MED13: variants seen among roughly 807,000 people sequenced by gnomAD.
MED13 encodes mediator of RNA polymerase II transcription subunit 13.
MED13 carries 23 observed loss-of-function variants against 225.2 expected under a neutral mutation model. That is an observed-to-expected ratio of 0.10 (90% confidence interval 0.07 to 0.14). MED13 has a LOEUF of 0.14. MED13 is among the 10% of genes least tolerant of loss of function. MED13 has a pLI of 1.00. For synonymous variants in MED13, 942 were observed against 889.2 expected (o/e 1.06, Z -1.06); for missense variants, 2,197 against 2,594.5 (o/e 0.85, Z 3.33).
In MED13 at chr17:61,972,864, T is replaced by C; in HGVS notation, c.3830A>G (p.Asp1277Gly). ...AAGAGAGAGGAGCATTCGAAGTATA[T>C]CCTGTGAGCACTGCATACTCACATC... ...RNDVSMQCSQDILRMLLSLQP... is the reference protein window; with the variant it reads ...RNDVSMQCSQGILRMLLSLQP... The change falls in exon 17 of 30, where the codon GAT becomes GGT. Residue 1277 changes from aspartate (D) to glycine (G), a missense_variant. Physicochemically the swap from Asp to Gly is moderately conservative, Grantham distance 94 (BLOSUM62 -1). Coordinates refer to ENST00000397786, the MANE Select transcript of MED13 (RefSeq NM_005121.3). The C allele has an allele frequency of 6.2e-7, 1 of 1,611,330 alleles. No homozygotes were observed. The highest frequency in any genetic ancestry group is 8.5e-7 in the Non-Finnish European group (1 of 1,179,322).
chr17:61,995,937 G>C (rs1385809707), intron 9 of MED13, among the ~76,000 whole-genome samples: 1 of 152,108 alleles, frequency 6.6e-6, no homozygotes, highest in Admixed American at 6.6e-5. Context: ...AAGTTTCAGT[G>C]CAAGTATCTG....
chr17:61,952,835 C>G, intron 27 of MED13, 130 bp downstream of exon 27: 1 of 1,021,756 alleles, frequency 9.8e-7, no homozygotes, highest in Non-Finnish European at 1.4e-6. Context: ...TGGGGTTTCA[C>G]CATATTGGCC....
chr17:61,964,337 C>G (rs1458172203), intron 20 of MED13, among the ~76,000 whole-genome samples: 1 of 152,182 alleles, frequency 6.6e-6, no homozygotes, highest in Non-Finnish European at 1.5e-5. Flanking sequence ...CTTTGGGAGG[C>G]TGAGGCAGGC....
At chr17:62,047,278 G>A (rs1335245787) in intron 3 of MED13, among the ~76,000 whole-genome samples, 1 of 152,110 alleles carries the variant, frequency 6.6e-6, no homozygotes, top group Non-Finnish European at 1.5e-5. Flanking sequence ...GGCTAAGGCA[G>A]GAGAATTGCT....
In MED13 at chr17:61,972,804, C is replaced by T; in HGVS notation, c.3890G>A (p.Arg1297Lys). 6.2e-7 allele frequency: 1 copy of T among 1,613,746 alleles called. No homozygotes were observed. The highest frequency in any genetic ancestry group is 8.5e-7 in the Non-Finnish European group (1 of 1,179,894). Residue 1297 changes from arginine to lysine, a missense_variant, in exon 17 of 30, where the codon AGA (arginine) becomes AAA (lysine). Physicochemically the swap from Arg to Lys is conservative, Grantham distance 26. This residue lies in a region of MED13 where 203 missense variants were observed against 209.7 expected (regional missense o/e 0.97). Transcript: ENST00000397786. ...CTGAACACCCCAAGGTCTTACTGTT[C>T]TTTTTTTCTGAATGGCATCCTGAAG... ...PVLQDAIQKK[R>K]TVRPWGVQGP...
At chr17:62,055,822 A>T (rs955180422) in intron 2 of MED13, among the ~76,000 whole-genome samples, 3 of 150,498 alleles carry the variant, frequency 2.0e-5, no homozygotes, top group African/African-American at 7.3e-5. Flanking sequence ...CTCCATCTCA[A>T]AAAAAAAAAG....
intron 3 of MED13, among the ~76,000 whole-genome samples, chr17:62,044,575 G>A (rs756727123): frequency 4.6e-5 from 7 of 152,238 alleles, no homozygotes; most frequent in Admixed American, 6.5e-5. Flanking sequence ...TATCCAGCAA[G>A]GATTTATTAT....
intron 3 of MED13, among the ~76,000 whole-genome samples, chr17:62,042,847 G>A (rs2080865160): frequency 6.6e-6 from 1 of 151,312 alleles, no homozygotes; most frequent in African/African-American, 2.4e-5. Context: ...AAGAATTATA[G>A]AAAGAAATTA....
intron 19 of MED13, among the ~76,000 whole-genome samples, 195 bp downstream of exon 19, chr17:61,966,267 A>G (rs2080057066): frequency 6.6e-6 from 1 of 152,220 alleles, no homozygotes; most frequent in Admixed American, 6.5e-5. Flanking sequence ...GTCAGATAAT[A>G]AATATTTTTG....
intron 16 of MED13, among the ~76,000 whole-genome samples, chr17:61,974,718 G>C (rs2080138817): frequency 6.6e-6 from 1 of 152,054 alleles, no homozygotes; most frequent in Admixed American, 6.6e-5. Flanking sequence ...GGGACAACTA[G>C]ATATCCACAT....
chr17:61,977,512 C>T (rs78335744), intron 16 of MED13, among the ~76,000 whole-genome samples: 2 of 152,202 alleles, frequency 1.3e-5, no homozygotes, highest in East Asian at 3.8e-4. Context: ...AGTGCGGTGG[C>T]ACCATCTCTG....
At chr17:62,048,019 TATATACATATAC>T (rs983326428) in intron 3 of MED13, among the ~76,000 whole-genome samples, 9 of 135,254 alleles carry the variant, frequency 6.7e-5, no homozygotes, top group East Asian at 2.5e-4. Context: ...TATATATACA[TATATACATATAC>T]ATATACATAT....
intron 11 of MED13, among the ~76,000 whole-genome samples, chr17:61,992,238 T>G (rs964544583): frequency 2.0e-5 from 3 of 152,208 alleles, no homozygotes; most frequent in Admixed American, 6.5e-5. Flanking sequence ...TTACTTCCTT[T>G]CACGTAATTC....
At chr17:61,979,256 A>T (rs898520202) in intron 16 of MED13, among the ~76,000 whole-genome samples, 2 of 152,208 alleles carry the variant, frequency 1.3e-5, no homozygotes, top group Non-Finnish European at 2.9e-5. Context: ...ATTCATTTTC[A>T]GAAGCCATAT....
intron 4 of MED13, 138 bp downstream of exon 4, chr17:62,035,325 G>T: frequency 1.2e-6 from 1 of 813,836 alleles, no homozygotes; most frequent in Non-Finnish European, 1.8e-6. Flanking sequence ...AATGGGGAAG[G>T]AAAAAGTAAA....
chr17:61,972,552 T>C (rs908658052), intron 17 of MED13, among the ~76,000 whole-genome samples, 175 bp downstream of exon 17: 1 of 151,622 alleles, frequency 6.6e-6, no homozygotes, highest in Non-Finnish European at 1.5e-5. Flanking sequence ...AGTTGGAGAG[T>C]TGAGTAAGCT....
intron 3 of MED13, among the ~76,000 whole-genome samples, chr17:62,042,535 C>CTGGTG (rs2080861427): frequency 7.7e-6 from 1 of 129,436 alleles, no homozygotes; most frequent in East Asian, 2.5e-4. Flanking sequence ...GCACTCCAGC[C>CTGGTG]TGGTGACAGA....
In MED13 at chr17:62,031,201, A is replaced by G; in HGVS notation, c.1009+243T>C. The stretch of plus-strand genomic sequence containing the variant: ...ACTGAGTACACAGGAGTGATGGGAC[A>G]TCATGTCTGTAGGTTGTTCTCAAAT... On this transcript the variant is annotated intron_variant, in intron 6 of 29. Coordinates refer to ENST00000397786, the MANE Select transcript of MED13 (RefSeq NM_005121.3). The G allele has an allele frequency of 8.6e-6, 3 of 348,724 alleles. No individual in the cohort carries two copies. The South Asian group carries it at 1.5e-4, about 17-fold the overall frequency. 21.6% of individuals were successfully genotyped at this position (348,724 alleles called of 1,614,324 possible). A position where few individuals can be genotyped will look rare whatever the true frequency, so the allele number is the denominator to read the frequency against.
In MED13 at chr17:62,029,784, T is replaced by C. The variant is rs2080737333; in HGVS notation, c.1172+67A>G. The C allele has an allele frequency of 2.6e-6, 4 of 1,525,580 alleles. No homozygotes were observed. The African/African-American group carries it at 5.6e-5, about 21-fold the overall frequency. 94.5% of individuals were successfully genotyped at this position (1,525,580 alleles called of 1,614,324 possible). On this transcript the variant is annotated intron_variant, in intron 7 of 29. Transcript: ENST00000397786. ...ATCAAACAAATGACTGTTTATACTT[T>C]AGATATCTTCTAATTATAAGTAATT...
Sources: gnomAD v4.1 joint callset for allele counts (sites outside exome capture counted in the v4.1 genomes callset) on GRCh38, gnomAD v4.1.1 for gene constraint, gnomAD v4.1.1 regional missense constraint, MANE v1.5 for transcripts, NCBI Gene and HGNC (gene_info 2026-07-23, HGNC 2026-07-21) for gene names.